LRFN2: variants seen among roughly 807,000 people sequenced by gnomAD.
The protein encoded by LRFN2 is leucine-rich repeat and fibronectin type-III domain-containing protein 2.
Under a neutral mutation model 37.3 loss-of-function variants are expected in LRFN2, and 18 were observed. The ratio of observed to expected loss-of-function variants is 0.48; its 90% CI spans 0.33 to 0.72. LRFN2 has a LOEUF of 0.72. LRFN2 is among the 30% of genes least tolerant of loss of function. LRFN2 has a pLI of 0.02. For missense variants in LRFN2, 1,006 were observed against 1,060.7 expected (o/e 0.95, Z 0.72); for synonymous variants, 556 against 466.6 (o/e 1.19, Z -2.47).
intron 1 of LRFN2, among the ~76,000 whole-genome samples, chr6:40,493,638 C>T (rs185467078): frequency 6.6e-6 from 1 of 152,340 alleles, no homozygotes; most frequent in East Asian, 1.9e-4. Context: ...TCTCAAACTT[C>T]CTCCTGCACC....
intron 1 of LRFN2, among the ~76,000 whole-genome samples, chr6:40,584,779 G>T (rs56805581): frequency 6.6e-6 from 1 of 151,956 alleles, no homozygotes; most frequent in Non-Finnish European, 1.5e-5. Context: ...AGGCTGAAGA[G>T]GCTTGGCAAA....
intron 1 of LRFN2, among the ~76,000 whole-genome samples, chr6:40,539,726 A>T (rs1378389519): frequency 1.3e-5 from 2 of 152,208 alleles, no homozygotes; most frequent in Non-Finnish European, 2.9e-5. Context: ...TGGTTGGTTT[A>T]TATTTGTGTT....
chr6:40,411,581 A>ACT lies in LRFN2; in HGVS notation c.1401-18671_1401-18670dup, dbSNP rs555338779. Among the ~76,000 whole-genome samples the ACT allele has an allele frequency of 6.1e-4, 93 of 152,006 alleles. 1 individual carries two copies. In the East Asian group the frequency reaches 0.011, roughly 19 times the overall value. ...CCCCATCTCGCCCACCCTGCCCTGCACTCTGTGCTTCAGCCACCCTGGCCT... is the reference window on the plus strand; with the variant it reads ...CCCCATCTCGCCCACCCTGCCCTGCACTCTCTGTGCTTCAGCCACCCTGGCCT... On this transcript the variant is annotated intron_variant, in intron 2 of 2. Coordinates refer to ENST00000338305, the MANE Select transcript of LRFN2 (RefSeq NM_020737.3).
At chr6:40,415,600 C>T (rs1763077354) in intron 2 of LRFN2, among the ~76,000 whole-genome samples, 1 of 152,216 alleles carries the variant, frequency 6.6e-6, no homozygotes, top group African/African-American at 2.4e-5. Context: ...GTCAGTTCCC[C>T]AGGACCTGCT....
chr6:40,498,984 C>T (rs1038098565), intron 1 of LRFN2, among the ~76,000 whole-genome samples: 2 of 152,184 alleles, frequency 1.3e-5, no homozygotes, highest in South Asian at 4.1e-4. Flanking sequence ...AGGCACACTC[C>T]CAAACACAGG....
intron 1 of LRFN2, among the ~76,000 whole-genome samples, chr6:40,553,991 G>A (rs986158461): frequency 1.9e-4 from 29 of 152,136 alleles, no homozygotes; most frequent in African/African-American, 7.0e-4. Context: ...GGTTTCAGGT[G>A]CCTCTCTCTC....
chr6:40,428,386 C>T (rs1763403062), intron 2 of LRFN2, among the ~76,000 whole-genome samples: 3 of 152,236 alleles, frequency 2.0e-5, no homozygotes, highest in Non-Finnish European at 4.4e-5. Flanking sequence ...TAATACTCAT[C>T]TTCAGATACA....
At chr6:40,428,122 GGACCCTTAGAATAGT>G (rs1292594353) in intron 2 of LRFN2, among the ~76,000 whole-genome samples, 1 of 152,212 alleles carries the variant, frequency 6.6e-6, no homozygotes, top group Non-Finnish European at 1.5e-5. Flanking sequence ...AGTGCACATA[GGACCCTTAGAATAGT>G]GACCAGCACA....
At chr6:40,538,633 G>A (rs1177192599) in intron 1 of LRFN2, among the ~76,000 whole-genome samples, 2 of 152,202 alleles carry the variant, frequency 1.3e-5, no homozygotes, top group African/African-American at 4.8e-5. Context: ...CCAAATTACA[G>A]CTTTCTACTG....
chr6:40,551,968 C>A (rs983839426), intron 1 of LRFN2, among the ~76,000 whole-genome samples: 9 of 152,118 alleles, frequency 5.9e-5, no homozygotes, highest in African/African-American at 2.2e-4. Flanking sequence ...AAAAAAAAGA[C>A]CTACCCAAGT....
At chr6:40,539,740 AG>A (rs1766517225) in intron 1 of LRFN2, among the ~76,000 whole-genome samples, 1 of 152,124 alleles carries the variant, frequency 6.6e-6, no homozygotes, top group Non-Finnish European at 1.5e-5. Context: ...TTGTGTTTAG[AG>A]CAAATAAACG....
rs564783609 is a variant in LRFN2 at position 40,424,160 on chromosome 6, C to A, written c.1400+7554G>T. Among the ~76,000 whole-genome samples, 5 of 152,310 alleles carry A rather than the reference C, an allele frequency of 3.3e-5. No homozygotes were observed. In the South Asian group the frequency reaches 8.3e-4, roughly 25 times the overall value. ...AAATCCTCATCTTGCCCATTGATTA[C>A]CTGGATGATCCCAGGTGGTGGAGTG... On this transcript the variant is annotated intron_variant, in intron 2 of 2. Coordinates refer to ENST00000338305, the MANE Select transcript of LRFN2 (RefSeq NM_020737.3).
chr6:40,543,790 G>A (rs116845729), intron 1 of LRFN2, among the ~76,000 whole-genome samples: 1 of 152,212 alleles, frequency 6.6e-6, no homozygotes, highest in East Asian at 1.9e-4. Context: ...GATTCCACCT[G>A]GGTTTTTGCC....
intron 1 of LRFN2, among the ~76,000 whole-genome samples, chr6:40,457,071 C>T (rs1228189819): frequency 6.6e-6 from 1 of 152,018 alleles, no homozygotes; most frequent in Non-Finnish European, 1.5e-5. Flanking sequence ...ACCCTTTCCT[C>T]TGTTCTCTCC....
intron 1 of LRFN2, 89 bp downstream of exon 1, chr6:40,586,852 G>C (rs146422954): frequency 1.3e-5 from 2 of 152,388 alleles, no homozygotes; most frequent in Non-Finnish European, 2.9e-5. Flanking sequence ...GGGATGCAAA[G>C]TTCCCGGTTC....
intron 1 of LRFN2, among the ~76,000 whole-genome samples, chr6:40,465,577 T>C (rs1275752583): frequency 6.6e-6 from 1 of 152,116 alleles, no homozygotes; most frequent in East Asian, 1.9e-4. Flanking sequence ...AAATCCAACA[T>C]AAGATATTAA....
chr6:40,417,845 C>T (rs901751306), intron 2 of LRFN2, among the ~76,000 whole-genome samples: 1 of 152,174 alleles, frequency 6.6e-6, no homozygotes, highest in Non-Finnish European at 1.5e-5. Flanking sequence ...GGTCCTTCTC[C>T]CATTTTATGG....
At chr6:40,398,170 G>C (rs1042842673) in intron 2 of LRFN2, among the ~76,000 whole-genome samples, 1 of 151,680 alleles carries the variant, frequency 6.6e-6, no homozygotes, top group Non-Finnish European at 1.5e-5. Context: ...CCTCTGCATC[G>C]TAGGAGGACA....
intron 1 of LRFN2, among the ~76,000 whole-genome samples, chr6:40,493,952 G>C (rs573896190): frequency 8.5e-5 from 13 of 152,334 alleles, no homozygotes; most frequent in African/African-American, 2.6e-4. Flanking sequence ...AGCCTCACCT[G>C]CTGTTCTGAC....
Sources: allele counts gnomAD v4.1 joint callset (sites outside exome capture counted in the v4.1 genomes callset), GRCh38; gene constraint gnomAD v4.1.1; transcripts MANE v1.5; gene names NCBI Gene and HGNC (gene_info 2026-07-23, HGNC 2026-07-21).